Variants in CCDC7 observed in about 807,000 individuals in gnomAD.
CCDC7 encodes the protein coiled-coil domain-containing protein 7.
A neutral mutation model predicts 196.9 loss-of-function variants in CCDC7; 183 were observed. That is an observed-to-expected ratio of 0.93 (90% confidence interval 0.82 to 1.05). The LOEUF is 1.05. CCDC7 is among the 50% of genes least tolerant of loss of function. The pLI, the probability that CCDC7 is intolerant of heterozygous loss-of-function variation, is 0.00. For missense variants in CCDC7, 1,540 were observed against 1,482.2 expected (o/e 1.04, Z -0.64); for synonymous variants, 525 against 484.6 (o/e 1.08, Z -1.10).
In CCDC7 at chr10:32,867,919, CCTTAT is replaced by C. The variant is rs1329481189; in HGVS notation, c.4112-8425_4112-8421del. On this transcript the variant is annotated intron_variant, in intron 41 of 41. Coordinates refer to ENST00000639629, the Ensembl canonical transcript of CCDC7. ...AAACTCTCCCCATTAAACATTAATT[CCTTAT>C]CTCCTACCCCCAGTTCCTGGCAACC... 7.9e-5 allele frequency among the ~76,000 whole-genome samples: 12 copies of C among 151,834 alleles called. 1 individual carries two copies. Among genetic ancestry groups the C allele is most frequent in the Admixed American group, 7.2e-4 (11 of 15,212 alleles).
chr10:32,483,208 G>GTTT, intron 8 of CCDC7, among the ~76,000 whole-genome samples: 1 of 152,292 alleles, frequency 6.6e-6, no homozygotes, highest in Admixed American at 6.5e-5. Context: ...ATGTGAGATG[G>GTTT]TATGTCATTG....
intron 13 of CCDC7, among the ~76,000 whole-genome samples, chr10:32,549,105 C>A (rs552002992): frequency 3.9e-5 from 6 of 152,126 alleles, no homozygotes; most frequent in Non-Finnish European, 7.4e-5. Flanking sequence ...TATGGGCATT[C>A]GTGCAGGAGC....
At chr10:32,685,901 T>C (rs1341783885) in intron 21 of CCDC7, 69 bp from the exon 23 acceptor site, 2 of 883,700 alleles carry the variant, frequency 2.3e-6, no homozygotes, top group Non-Finnish European at 3.5e-6. Flanking sequence ...TTTATAAATT[T>C]GAAACACAGA....
At chr10:32,636,356 T>C (rs2065634727) in intron 20 of CCDC7, among the ~76,000 whole-genome samples, 1 of 152,224 alleles carries the variant, frequency 6.6e-6, no homozygotes, top group Admixed American at 6.5e-5. Flanking sequence ...ATTAGGTATA[T>C]TTGCTAATGC....
At chr10:32,711,216 A>G (rs533564192) in intron 24 of CCDC7, among the ~76,000 whole-genome samples, 6 of 151,772 alleles carry the variant, frequency 4.0e-5, no homozygotes, top group South Asian at 4.2e-4. Flanking sequence ...GTGTGTGTGT[A>G]TATATATATG....
intron 9 of CCDC7, among the ~76,000 whole-genome samples, chr10:32,497,554 G>C (rs915823300): frequency 1.3e-5 from 2 of 152,086 alleles, no homozygotes; most frequent in Non-Finnish European, 2.9e-5. Flanking sequence ...CCTCTACACA[G>C]TGCTTTAAAT....
At position 32,451,722 on chromosome 10, in the gene CCDC7, A is replaced by G. The variant is rs2033121627; in HGVS notation, c.80A>G (p.His27Arg). Residue 27 changes from histidine (H) to arginine (R), a missense_variant, in exon 1 of 42, where the codon CAT becomes CGT. Transcript: ENST00000639629. The stretch of plus-strand genomic sequence containing the variant: ...GCATTAACTACTAAAAAAGGACTAC[A>G]TAATTTACCATTATCACCTGAGCTA... 7.4e-6 allele frequency: 12 copies of G among 1,614,162 alleles called. No individual in the cohort carries two copies. Among genetic ancestry groups the G allele is most frequent in the African/African-American group, 1.3e-5 (1 of 75,056 alleles).
chr10:32,779,599 A>C (rs796509588), intron 29 of CCDC7, among the ~76,000 whole-genome samples: 2 of 152,164 alleles, frequency 1.3e-5, no homozygotes, highest in African/African-American at 4.8e-5. Flanking sequence ...TTAAGTGACT[A>C]TTTTCTAATA....
chr10:32,797,343 A>G (rs1386766577), intron 29 of CCDC7, among the ~76,000 whole-genome samples: 1 of 151,862 alleles, frequency 6.6e-6, no homozygotes, highest in Non-Finnish European at 1.5e-5. Context: ...ACAAAAAGGA[A>G]TGAATTGATG....
chr10:32,536,594 A>G (rs1828058911), intron 11 of CCDC7, among the ~76,000 whole-genome samples: 1 of 152,164 alleles, frequency 6.6e-6, no homozygotes, highest in Admixed American at 6.5e-5. Flanking sequence ...TTTGGTGTAC[A>G]GATAATTTTA....
rs932070334 is a variant in CCDC7 at position 32,702,798 on chromosome 10, T to C, written c.2458+7806T>C. On this transcript the variant is annotated intron_variant, in intron 24 of 41. Coordinates refer to ENST00000639629, the Ensembl canonical transcript of CCDC7. ...CCTTCTTTGTCTCTTTTGATCTTCA[T>C]TGGTTTAAAATCTGTTTTATCCAAG... Among the ~76,000 whole-genome samples the C allele has an allele frequency of 2.6e-5, 4 of 152,254 alleles. No individual in the cohort carries two copies. The South Asian group carries it at 6.2e-4, about 24-fold the overall frequency.
At chr10:32,507,346 T>TA (rs535817121) in intron 9 of CCDC7, among the ~76,000 whole-genome samples, 15 of 149,984 alleles carry the variant, frequency 1.0e-4, no homozygotes, top group South Asian at 2.1e-4. Context: ...GTTGGGTTCT[T>TA]AAAAAAAAAA....
intron 21 of CCDC7, among the ~76,000 whole-genome samples, chr10:32,681,858 G>A (rs1303668109): frequency 6.6e-6 from 1 of 150,580 alleles, no homozygotes; most frequent in Non-Finnish European, 1.5e-5. Flanking sequence ...GTCATATTTA[G>A]AATTCATGGC....
chr10:32,841,551 C>A (rs1397366794), intron 33 of CCDC7, among the ~76,000 whole-genome samples: 1 of 151,828 alleles, frequency 6.6e-6, no homozygotes, highest in Non-Finnish European at 1.5e-5. Flanking sequence ...AAGCAATCTA[C>A]AAATTCAATG....
chr10:32,847,862 A>G (rs771032520), exon 38 of CCDC7: 4 of 1,611,540 alleles, frequency 2.5e-6, no homozygotes, highest in African/African-American at 2.7e-5. Flanking sequence ...GACAAATGCC[A>G]TTGGTTCAAG....
chr10:32,480,799 A>C (rs1321588298), intron 8 of CCDC7, among the ~76,000 whole-genome samples: 1 of 152,178 alleles, frequency 6.6e-6, no homozygotes, highest in Non-Finnish European at 1.5e-5. Context: ...TTCCATTTGC[A>C]CTTGAGAAAG....
chr10:32,730,525 GTAA>G (rs1198238468), intron 28 of CCDC7, among the ~76,000 whole-genome samples: 1 of 151,728 alleles, frequency 6.6e-6, no homozygotes, highest in Non-Finnish European at 1.5e-5. Context: ...ACAAGTATTT[GTAA>G]TAATGTTTAT....
At chr10:32,755,117 G>C (rs1009714688) in intron 28 of CCDC7, among the ~76,000 whole-genome samples, 1 of 152,156 alleles carries the variant, frequency 6.6e-6, no homozygotes, top group African/African-American at 2.4e-5. Context: ...AAAGCACCTG[G>C]GAAGCTAGAA....
chr10:32,820,578 A>G (rs774373351), intron 31 of CCDC7, among the ~76,000 whole-genome samples: 18 of 152,096 alleles, frequency 1.2e-4, no homozygotes, highest in Non-Finnish European at 2.2e-4. Context: ...CTACAAGGCT[A>G]CAGTAACCAA....
Sources: gnomAD v4.1 joint callset for allele counts (sites outside exome capture counted in the v4.1 genomes callset) on GRCh38, gnomAD v4.1.1 for gene constraint, MANE v1.5 for transcripts, NCBI Gene and HGNC (gene_info 2026-07-23, HGNC 2026-07-21) for gene names.